SEMA3E: variants seen among roughly 807,000 people sequenced by gnomAD.
The protein encoded by SEMA3E is semaphorin 3E.
SEMA3E carries 49 observed loss-of-function variants against 93.6 expected under a neutral mutation model. That is an observed-to-expected ratio of 0.52 (90% CI 0.42 to 0.66). The LOEUF is 0.66. Among genes scored for constraint, SEMA3E ranks in the 30% least tolerant of loss-of-function variants. SEMA3E has a pLI of 0.00. For missense variants in SEMA3E, 906 were observed against 964.8 expected, an observed-to-expected ratio of 0.94 and a Z score of 0.81; for synonymous variants, 363 against 330.7, an observed-to-expected ratio of 1.10 and a Z score of -1.06.
intron 5 of SEMA3E, among the ~76,000 whole-genome samples, chr7:83,410,932 T>C (rs1426472372): frequency 6.6e-6 from 1 of 152,126 alleles, no homozygotes; most frequent in African/African-American, 2.4e-5. Flanking sequence ...GAATCTTTAA[T>C]GTATAATGGG....
intron 1 of SEMA3E, among the ~76,000 whole-genome samples, chr7:83,560,310 T>C (rs1792002471): frequency 6.6e-6 from 1 of 152,046 alleles, no homozygotes; most frequent in Non-Finnish European, 1.5e-5. Context: ...AGGCTACGCA[T>C]GTGTAGGGGC....
At chr7:83,605,707 G>C (rs1025551364) in intron 1 of SEMA3E, among the ~76,000 whole-genome samples, 4 of 152,232 alleles carry the variant, frequency 2.6e-5, no homozygotes, top group African/African-American at 9.6e-5. Flanking sequence ...TGGGATTACA[G>C]GTACGTGAGC....
intron 1 of SEMA3E, among the ~76,000 whole-genome samples, chr7:83,582,831 C>T (rs529729974): frequency 6.6e-6 from 1 of 151,844 alleles, no homozygotes; most frequent in South Asian, 2.1e-4. Context: ...AACACAAATA[C>T]ACATATAAAT....
chr7:83,555,371 T>C (rs1330155864), intron 1 of SEMA3E, among the ~76,000 whole-genome samples: 2 of 152,210 alleles, frequency 1.3e-5, no homozygotes, highest in Non-Finnish European at 2.9e-5. Flanking sequence ...TTTTTCTTTT[T>C]TCTCTCTCCC....
At chr7:83,471,358 C>A (rs1789890727) in intron 2 of SEMA3E, among the ~76,000 whole-genome samples, 1 of 144,988 alleles carries the variant, frequency 6.9e-6, no homozygotes, top group African/African-American at 2.5e-5. Context: ...TAGTATAGAC[C>A]GCTCCTGTCA....
chr7:83,469,111 TA>T (rs1213853502), intron 3 of SEMA3E, 131 bp downstream of exon 3: 3 of 627,728 alleles, frequency 4.8e-6, no homozygotes, highest in Non-Finnish European at 8.5e-6. Context: ...TATGCCTATA[TA>T]TTTTTTCTTC....
chr7:83,436,499 A>T (rs1187915053), intron 4 of SEMA3E, among the ~76,000 whole-genome samples: 1 of 151,808 alleles, frequency 6.6e-6, no homozygotes, highest in Non-Finnish European at 1.5e-5. Flanking sequence ...ATATACACAC[A>T]TATACATATA....
At chr7:83,389,742 C>A (rs1260557088) in intron 14 of SEMA3E, among the ~76,000 whole-genome samples, 1 of 130,796 alleles carries the variant, frequency 7.6e-6, no homozygotes, top group African/African-American at 2.8e-5. Flanking sequence ...CATATATACA[C>A]GTATATATTA....
At chr7:83,514,452 T>C (rs1458941433) in intron 1 of SEMA3E, among the ~76,000 whole-genome samples, 1 of 152,124 alleles carries the variant, frequency 6.6e-6, no homozygotes, top group Non-Finnish European at 1.5e-5. Flanking sequence ...TGTCCTGTAA[T>C]GTCATGAGTT....
At position 83,380,672 on chromosome 7, in the gene SEMA3E, T is replaced by G. The variant is rs116420026; in HGVS notation, c.1875+4622A>C. 5.5e-3 allele frequency among the ~76,000 whole-genome samples: 833 copies of G among 152,076 alleles called. 4 individuals are homozygous for G. The highest frequency in any genetic ancestry group is 0.019 in the African/African-American group (791 of 41,544). ...GAGACAATTTTCTTTTTCCTTGGTT[T>G]CAACAGAATCTTTAAGGAACACATA... On this transcript the variant is annotated intron_variant, in intron 16 of 16. Transcript: ENST00000643230.
chr7:83,553,476 C>T (rs1042820419), intron 1 of SEMA3E, among the ~76,000 whole-genome samples: 2 of 152,170 alleles, frequency 1.3e-5, no homozygotes, highest in African/African-American at 4.8e-5. Flanking sequence ...CATTTGCACA[C>T]TCATCCATCT....
At chr7:83,584,175 C>G (rs1792571494) in intron 1 of SEMA3E, among the ~76,000 whole-genome samples, 1 of 152,086 alleles carries the variant, frequency 6.6e-6, no homozygotes, top group African/African-American at 2.4e-5. Flanking sequence ...AACAATGTTA[C>G]TAATATACAT....
chr7:83,477,887 A>AAT (rs199820175), intron 2 of SEMA3E, among the ~76,000 whole-genome samples: 1,736 of 152,002 alleles, frequency 0.011, 30 homozygotes, highest in African/African-American at 0.04. Context: ...ACAGAACTAT[A>AAT]ATATATATAG....
At chr7:83,616,924 C>T (rs1050470176) in intron 1 of SEMA3E, among the ~76,000 whole-genome samples, 4 of 152,010 alleles carry the variant, frequency 2.6e-5, no homozygotes, top group Non-Finnish European at 5.9e-5. Context: ...GGGGTTTCAC[C>T]ACGTTGGCCA....
intron 2 of SEMA3E, 96 bp from the exon 3 acceptor site, chr7:83,469,398 C>CATT: frequency 3.3e-6 from 2 of 598,306 alleles, no homozygotes; most frequent in Non-Finnish European, 5.7e-6. Flanking sequence ...AAAACATTTC[C>CATT]TTTTTTTTTT....
chr7:83,538,459 G>A (rs62477038), intron 1 of SEMA3E, among the ~76,000 whole-genome samples: 10,487 of 152,124 alleles, frequency 0.069, 489 homozygotes, highest in East Asian at 0.19. Context: ...CTTTTCATGT[G>A]CTTACTGACC....
intron 1 of SEMA3E, among the ~76,000 whole-genome samples, chr7:83,560,531 T>G (rs1345514928): frequency 2.0e-5 from 3 of 152,104 alleles, no homozygotes; most frequent in Admixed American, 6.6e-5. Flanking sequence ...TATTATTGCC[T>G]TGTGGATAGA....
intron 1 of SEMA3E, among the ~76,000 whole-genome samples, chr7:83,549,297 C>A (rs1791712977): frequency 6.6e-6 from 1 of 152,088 alleles, no homozygotes; most frequent in African/African-American, 2.4e-5. Flanking sequence ...TCAAGCACAA[C>A]TTTTACATAT....
chr7:83,550,116 A>G (rs1791735178), intron 1 of SEMA3E, among the ~76,000 whole-genome samples: 1 of 152,156 alleles, frequency 6.6e-6, no homozygotes, highest in African/African-American at 2.4e-5. Context: ...AAGCCAAGAA[A>G]ATCAACTGTC....
Sources: allele counts gnomAD v4.1 joint callset (sites outside exome capture counted in the v4.1 genomes callset), GRCh38; gene constraint gnomAD v4.1.1; transcripts MANE v1.5; gene names NCBI Gene and HGNC (gene_info 2026-07-23, HGNC 2026-07-21).